The following CCSER1 variants were observed in gnomAD, a reference collection of about 807,000 sequenced individuals.
The protein encoded by CCSER1 is coiled-coil serine rich protein 1.
A neutral mutation model predicts 82.0 loss-of-function variants in CCSER1; 41 were observed. The observed-to-expected ratio is 0.50, with a 90% CI of 0.39 to 0.65. CCSER1 has a LOEUF of 0.65. Among genes scored for constraint, CCSER1 ranks in the 30% least tolerant of loss-of-function variants. CCSER1 has a pLI of 0.00. For synonymous variants in CCSER1, 414 were observed against 383.9 expected, an observed-to-expected ratio of 1.08 and a Z score of -0.92; for missense variants, 1,119 against 1,064.2, an observed-to-expected ratio of 1.05 and a Z score of -0.72.
At chr4:90,702,316 T>G (rs1019590581) in intron 6 of CCSER1, among the ~76,000 whole-genome samples, 8 of 152,204 alleles carry the variant, frequency 5.3e-5, no homozygotes, top group African/African-American at 1.9e-4. Flanking sequence ...ATCCCAGGGA[T>G]GAAGCCCACT....
chr4:91,094,303 A>T (rs1424439894), intron 10 of CCSER1, among the ~76,000 whole-genome samples: 1 of 152,164 alleles, frequency 6.6e-6, no homozygotes, highest in African/African-American at 2.4e-5. Context: ...CTGACCCCGG[A>T]TCTTCCCACT....
intron 8 of CCSER1, among the ~76,000 whole-genome samples, chr4:90,921,807 A>G (rs1301761914): frequency 1.3e-5 from 2 of 152,058 alleles, no homozygotes; most frequent in African/African-American, 2.4e-5. Flanking sequence ...TTTACTTTTC[A>G]TGTACTTATG....
chr4:90,765,798 C>G (rs1257646723), intron 7 of CCSER1, among the ~76,000 whole-genome samples: 2 of 152,092 alleles, frequency 1.3e-5, no homozygotes, highest in Admixed American at 1.3e-4. Context: ...TACCTAGATA[C>G]AAGAGTCAGA....
At chr4:90,362,231 A>G (rs1010196792) in intron 3 of CCSER1, among the ~76,000 whole-genome samples, 3 of 152,192 alleles carry the variant, frequency 2.0e-5, no homozygotes, top group African/African-American at 7.2e-5. Flanking sequence ...GGACGATAAT[A>G]CTGTCATGCA....
chr4:91,565,163 TC>T (rs1425207236), intron 10 of CCSER1, among the ~76,000 whole-genome samples: 2 of 151,786 alleles, frequency 1.3e-5, no homozygotes, highest in Admixed American at 1.3e-4. Flanking sequence ...GAGAGTCTTT[TC>T]CCCATTGCTT....
At chr4:90,768,439 T>TTG (rs1394488020) in intron 7 of CCSER1, among the ~76,000 whole-genome samples, 1 of 152,208 alleles carries the variant, frequency 6.6e-6, no homozygotes, top group African/African-American at 2.4e-5. Flanking sequence ...CTGCTGAGTT[T>TTG]TGTGATAATT....
At chr4:91,020,232 A>G (rs1419081400) in intron 9 of CCSER1, among the ~76,000 whole-genome samples, 1 of 152,200 alleles carries the variant, frequency 6.6e-6, no homozygotes, top group East Asian at 1.9e-4. Flanking sequence ...TATAACCTCA[A>G]TGTCATAGAT....
chr4:90,243,806 AT>A (rs1299888449), intron 1 of CCSER1, among the ~76,000 whole-genome samples: 1 of 151,784 alleles, frequency 6.6e-6, no homozygotes, highest in Non-Finnish European at 1.5e-5. Context: ...ATATATTATA[AT>A]TTTTTAAAAA....
intron 1 of CCSER1, among the ~76,000 whole-genome samples, chr4:90,302,164 T>C (rs1454890349): frequency 2.0e-5 from 3 of 152,238 alleles, no homozygotes. Flanking sequence ...AAAATCTATG[T>C]ATTCTATAGG....
At chr4:91,029,825 T>G (rs2150551583) in intron 9 of CCSER1, among the ~76,000 whole-genome samples, 1 of 152,256 alleles carries the variant, frequency 6.6e-6, no homozygotes, top group South Asian at 2.1e-4. Context: ...CTGTAAGTTC[T>G]ATTTAAATGG....
chr4:91,273,068 G>A (rs1284077248), intron 10 of CCSER1, among the ~76,000 whole-genome samples: 1 of 151,870 alleles, frequency 6.6e-6, no homozygotes, highest in Admixed American at 6.6e-5. Flanking sequence ...GTCTTGCTTT[G>A]GCTATGCTGG....
In CCSER1 at chr4:91,602,277, A is replaced by C. The variant is rs1455165041; in HGVS notation, c.*3220A>C. On this transcript the variant is annotated 3_prime_UTR_variant, in exon 11 of 11. Transcript: ENST00000509176. ...CCTAACTCATTGTCATTATTTCCTG[A>C]ATGTTGAACTCCCATTATAGGAAAT... is the stretch of plus-strand genomic sequence containing the variant. Among the ~76,000 whole-genome samples, 1 of 151,952 alleles carries C rather than the reference A, an allele frequency of 6.6e-6. No individual in the cohort carries two copies. The highest frequency in any genetic ancestry group is 1.5e-5 in the Non-Finnish European group (1 of 67,910).
At chr4:91,175,323 T>C (rs1243303524) in intron 10 of CCSER1, among the ~76,000 whole-genome samples, 3 of 152,222 alleles carry the variant, frequency 2.0e-5, no homozygotes, top group Non-Finnish European at 2.9e-5. Flanking sequence ...TTTATAATCC[T>C]TTGGGTGTAT....
At chr4:91,459,614 C>T (rs1756388051) in intron 10 of CCSER1, among the ~76,000 whole-genome samples, 1 of 152,014 alleles carries the variant, frequency 6.6e-6, no homozygotes, top group Non-Finnish European at 1.5e-5. Context: ...GGCTGCCAGG[C>T]TCCAGGAATG....
At chr4:91,379,175 G>T (rs1004600120) in intron 10 of CCSER1, among the ~76,000 whole-genome samples, 10 of 152,150 alleles carry the variant, frequency 6.6e-5, no homozygotes, top group East Asian at 1.9e-4. Context: ...GAGGATTTTT[G>T]CATCGATCTT....
At chr4:91,186,107 T>C (rs1734507997) in intron 10 of CCSER1, among the ~76,000 whole-genome samples, 1 of 152,136 alleles carries the variant, frequency 6.6e-6, no homozygotes, top group South Asian at 2.1e-4. Flanking sequence ...CTCGAGGCGC[T>C]GCTTGAACAG....
chr4:91,372,744 G>A (rs1200980439), intron 10 of CCSER1, among the ~76,000 whole-genome samples: 3 of 151,700 alleles, frequency 2.0e-5, no homozygotes, highest in Non-Finnish European at 4.4e-5. Flanking sequence ...AGATGAAGAC[G>A]GTAGTTTATT....
intron 1 of CCSER1, among the ~76,000 whole-genome samples, chr4:90,185,140 A>G (rs1422527759): frequency 6.6e-6 from 1 of 152,092 alleles, no homozygotes; most frequent in Non-Finnish European, 1.5e-5. Flanking sequence ...ATGAGAAGGT[A>G]CATTCACACC....
intron 8 of CCSER1, among the ~76,000 whole-genome samples, chr4:90,898,335 T>A (rs1215518349): frequency 2.3e-5 from 3 of 133,222 alleles, no homozygotes; most frequent in Non-Finnish European, 4.7e-5. Context: ...CAGGCTGGAG[T>A]GTAATAGCAC....
Sources: gnomAD v4.1 joint callset for allele counts (sites outside exome capture counted in the v4.1 genomes callset) on GRCh38, gnomAD v4.1.1 for gene constraint, MANE v1.5 for transcripts, NCBI Gene and HGNC (gene_info 2026-07-23, HGNC 2026-07-21) for gene names.